Variants in FNBP1 observed in about 807,000 individuals in gnomAD.
The protein encoded by FNBP1 is formin-binding protein 1.
FNBP1 carries 26 observed loss-of-function variants against 90.6 expected under a neutral mutation model. That is an observed-to-expected ratio of 0.29 (90% CI 0.21 to 0.40). The LOEUF (loss-of-function observed/expected upper bound fraction) is 0.40, where lower values mean the gene tolerates loss of function less well. Among genes scored for constraint, FNBP1 ranks in the 10% least tolerant of loss-of-function variants. The pLI, the probability that FNBP1 is intolerant of heterozygous loss-of-function variation, is 1.00. For synonymous variants in FNBP1, 260 were observed against 265.2 expected (o/e 0.98, Z 0.19); for missense variants, 635 against 768.0 (o/e 0.83, Z 2.05).
chr9:129,933,375 T>C (rs185376532), intron 6 of FNBP1, among the ~76,000 whole-genome samples: 37 of 152,280 alleles, frequency 2.4e-4, no homozygotes, highest in South Asian at 1.5e-3. Context: ...CCCAGCACCA[T>C]TTGGTTGGAA....
upstream of FNBP1, among the ~76,000 whole-genome samples, chr9:130,043,467 CT>C (rs2132498970): frequency 6.6e-6 from 1 of 152,346 alleles, no homozygotes; most frequent in African/African-American, 2.4e-5. Flanking sequence ...TAGCGCTTGC[CT>C]TGGAACGCGG....
At chr9:130,035,589 A>T (rs1589410556) in intron 1 of FNBP1, among the ~76,000 whole-genome samples, 1 of 152,246 alleles carries the variant, frequency 6.6e-6, no homozygotes, top group South Asian at 2.1e-4. Flanking sequence ...CACTTTGTCC[A>T]GCACCTGGGG....
chr9:129,991,619 G>A (rs998232585), intron 2 of FNBP1, among the ~76,000 whole-genome samples: 1 of 150,306 alleles, frequency 6.7e-6, no homozygotes, highest in African/African-American at 2.5e-5. Flanking sequence ...TTTCAGACAT[G>A]TTACATTTCA....
intron 2 of FNBP1, among the ~76,000 whole-genome samples, chr9:129,988,248 A>T (rs2131143732): frequency 6.6e-6 from 1 of 152,138 alleles, no homozygotes; most frequent in South Asian, 2.1e-4. Flanking sequence ...TGGGTGACAG[A>T]AACTGTCTCA....
chr9:129,976,628 A>C (rs1267406445), intron 4 of FNBP1, among the ~76,000 whole-genome samples: 2 of 152,216 alleles, frequency 1.3e-5, no homozygotes, highest in Non-Finnish European at 2.9e-5. Context: ...GGCAGGTCCT[A>C]ATCATCCCTC....
At position 129,957,462 on chromosome 9, in the gene FNBP1, A is replaced by G. The variant is rs920065619; in HGVS notation, c.411T>C (p.Ser137=). ...TGCAATCGCGTTCAAATCGCCTTTT[A>G]CTCTAAAATCAGAGGAAAATAATTA... ...IETCWKQLES[S]KRRFERDCKE... The change falls in exon 6 of 17, where the codon AGT becomes AGC. Residue 137 remains serine, a splice_region_variant and synonymous_variant. Coordinates refer to ENST00000446176, the MANE Select transcript of FNBP1 (RefSeq NM_015033.3). The surrounding 1 kb of genome is among the most constrained non-coding windows in gnomAD (Gnocchi z 4.3). 6 of 1,609,056 alleles carry G rather than the reference A, an allele frequency of 3.7e-6. No individual in the cohort carries two copies. Among genetic ancestry groups the G allele is most frequent in the Non-Finnish European group, 5.1e-6 (6 of 1,175,910 alleles).
chr9:129,991,905 C>A (rs1021404331), intron 2 of FNBP1, among the ~76,000 whole-genome samples: 2 of 151,996 alleles, frequency 1.3e-5, no homozygotes, highest in African/African-American at 4.8e-5. Flanking sequence ...GTGATCCGCC[C>A]GCCTCAGCCT....
chr9:130,053,147 G>GAAGCAA, the FNBP1 span, among the ~76,000 whole-genome samples: 1 of 152,132 alleles, frequency 6.6e-6, no homozygotes, highest in Non-Finnish European at 1.5e-5. Context: ...ATTTCTGAAA[G>GAAGCAA]AAGCAAAGAA....
At chr9:129,962,678 C>A (rs961437771) in intron 4 of FNBP1, among the ~76,000 whole-genome samples, 1 of 152,184 alleles carries the variant, frequency 6.6e-6, no homozygotes, top group Non-Finnish European at 1.5e-5. Flanking sequence ...ATCTATCCAG[C>A]AATTTTTTGG....
At chr9:129,910,504 A>AAAAAAGAG (rs1298095363) in intron 11 of FNBP1, among the ~76,000 whole-genome samples, 3 of 104,058 alleles carry the variant, frequency 2.9e-5, no homozygotes, top group Admixed American at 1.4e-4. Context: ...AAAAAAAAAA[A>AAAAAAGAG]AGAGAGAGAG....
rs745621728 is a variant in FNBP1 at position 129,908,871 on chromosome 9, T to A, written c.1295+19A>T. The A allele has an allele frequency of 6.6e-7, 1 of 1,520,258 alleles. No homozygotes were observed. Among genetic ancestry groups the A allele is most frequent in the Non-Finnish European group, 9.1e-7 (1 of 1,099,188 alleles). 94.2% of individuals were successfully genotyped at this position (1,520,258 alleles called of 1,614,324 possible). On this transcript the variant is annotated intron_variant, in intron 12 of 16. Coordinates refer to ENST00000446176, the MANE Select transcript of FNBP1 (RefSeq NM_015033.3). The stretch of plus-strand genomic sequence containing the variant: ...GCCTGGCCTTGAATTTCTTAATAAG[T>A]CATATTGATGCACTATACCTTTGAT...
At chr9:130,015,260 G>A (rs569819829) in intron 1 of FNBP1, among the ~76,000 whole-genome samples, 1 of 152,218 alleles carries the variant, frequency 6.6e-6, no homozygotes, top group Admixed American at 6.5e-5. Flanking sequence ...TATTCTCATG[G>A]AGCTCACATA....
chr9:129,937,022 T>G lies in FNBP1; in HGVS notation c.514-7327A>C, dbSNP rs201135339. ...CTGTCTCTAGTAAAAATACAAAAAT[T>G]AGCTAGGCATGGTGGCACATGCCTG... On this transcript the variant is annotated intron_variant, in intron 6 of 16. Transcript: ENST00000446176. Among the ~76,000 whole-genome samples the G allele has an allele frequency of 9.9e-5, 15 of 151,966 alleles. No individual in the cohort carries two copies. The East Asian group carries it at 2.7e-3, about 28-fold the overall frequency.
At chr9:130,047,660 T>C (rs2132510329), upstream of FNBP1, among the ~76,000 whole-genome samples, 1 of 152,126 alleles carries the variant, frequency 6.6e-6, no homozygotes, top group South Asian at 2.1e-4. Context: ...TGTTTTTTTT[T>C]TTCCTACTCT....
At chr9:130,013,213 C>G (rs907092355) in intron 1 of FNBP1, among the ~76,000 whole-genome samples, 1 of 152,024 alleles carries the variant, frequency 6.6e-6, no homozygotes, top group African/African-American at 2.4e-5. Flanking sequence ...TACCTGGGCT[C>G]AAGCAATCCC....
At chr9:129,990,932 G>GT (rs35179648) in intron 2 of FNBP1, among the ~76,000 whole-genome samples, 6,028 of 129,968 alleles carry the variant, frequency 0.046, 215 homozygotes, top group African/African-American at 0.08. Context: ...TGACACCAGG[G>GT]TTTTTTTTTT....
chr9:130,019,893 AT>A (rs1166843793), intron 1 of FNBP1, among the ~76,000 whole-genome samples: 1 of 152,014 alleles, frequency 6.6e-6, no homozygotes, highest in Non-Finnish European at 1.5e-5. Context: ...ACACTGGGCT[AT>A]TTTCACAGGA....
intron 1 of FNBP1, among the ~76,000 whole-genome samples, chr9:130,036,664 G>A (rs2059340542): frequency 6.6e-6 from 1 of 152,168 alleles, no homozygotes; most frequent in Admixed American, 6.5e-5. Context: ...AAGCAGTTCT[G>A]CCCTACCCAC....
chr9:129,912,643 G>A (rs1221344952), intron 11 of FNBP1, among the ~76,000 whole-genome samples: 1 of 146,258 alleles, frequency 6.8e-6, no homozygotes, highest in Non-Finnish European at 1.5e-5. Context: ...AGCTGAGATT[G>A]CGCTACTGCG....
Sources: allele counts gnomAD v4.1 joint callset (sites outside exome capture counted in the v4.1 genomes callset), GRCh38; gene constraint gnomAD v4.1.1; non-coding constraint Gnocchi (gnomAD v3.1); transcripts MANE v1.5; gene names NCBI Gene and HGNC (gene_info 2026-07-23, HGNC 2026-07-21).